The following CLIP2 variants were observed in gnomAD, a reference collection of about 807,000 sequenced individuals.
CLIP2 encodes CAP-Gly domain-containing linker protein 2.
CLIP2 carries 41 observed loss-of-function variants against 111.7 expected under a neutral mutation model. That is an observed-to-expected ratio of 0.37 (90% CI 0.29 to 0.48). CLIP2 has a LOEUF of 0.48. Ranked by LOEUF, CLIP2 falls within the 20% of genes least tolerant of loss-of-function variation. The pLI is 0.99. For missense variants in CLIP2, 1,160 were observed against 1,422.1 expected (o/e 0.82, Z 2.96); for synonymous variants, 660 against 644.2 (o/e 1.02, Z -0.37).
intron 8 of CLIP2, among the ~76,000 whole-genome samples, chr7:74,368,245 C>T (rs1275152171): frequency 2.6e-5 from 4 of 151,664 alleles, no homozygotes; most frequent in East Asian, 3.9e-4. Flanking sequence ...AGGCCGGGCG[C>T]GGTGGCTCAC....
At chr7:74,300,415 A>G (rs1157585609) in intron 1 of CLIP2, among the ~76,000 whole-genome samples, 1 of 151,346 alleles carries the variant, frequency 6.6e-6, no homozygotes, top group Admixed American at 6.6e-5. Flanking sequence ...TTCTAGGGAT[A>G]ATGGCTCCCA....
intron 2 of CLIP2, among the ~76,000 whole-genome samples, chr7:74,322,425 G>A (rs1788984920): frequency 6.6e-6 from 1 of 151,908 alleles, no homozygotes; most frequent in African/African-American, 2.4e-5. Context: ...GGGCAACATG[G>A]CGAAACCCCA....
chr7:74,359,508 C>T (rs1050475336), intron 6 of CLIP2, among the ~76,000 whole-genome samples: 3 of 151,864 alleles, frequency 2.0e-5, no homozygotes, highest in Admixed American at 6.6e-5. Context: ...AGCCCACCAC[C>T]ACGCCCAGCT....
intron 4 of CLIP2, among the ~76,000 whole-genome samples, chr7:74,355,279 A>T (rs992068054): frequency 6.6e-6 from 1 of 152,160 alleles, no homozygotes. Context: ...TGGAGGTGGG[A>T]AAAGGCAGAA....
At chr7:74,318,303 G>C (rs924844954) in intron 2 of CLIP2, among the ~76,000 whole-genome samples, 2 of 152,272 alleles carry the variant, frequency 1.3e-5, no homozygotes, top group Admixed American at 1.3e-4. Flanking sequence ...TGACTTGGAG[G>C]TGTGCGGGGA....
intron 13 of CLIP2, among the ~76,000 whole-genome samples, chr7:74,392,455 C>T (rs541959213): frequency 5.5e-4 from 83 of 151,992 alleles, no homozygotes; most frequent in Non-Finnish European, 8.8e-4. Flanking sequence ...ATTACTTGGG[C>T]CCAGGAAGTG....
chr7:74,356,513 C>T lies in CLIP2; in HGVS notation c.907C>T (p.Arg303Cys), dbSNP rs782117341. 2.5e-6 allele frequency: 4 copies of T among 1,614,208 alleles called. No homozygotes were observed. Among genetic ancestry groups the T allele is most frequent in the East Asian group, 2.2e-5 (1 of 44,878 alleles). Residue 303 changes from arginine to cysteine, a missense_variant, in exon 5 of 17, where the codon CGT (arginine) becomes TGT (cysteine). Arg to Cys is a radical substitution (Grantham distance 180). Around this residue, in one of 5 missense-constraint regions of CLIP2, gnomAD observed 110 missense variants for 185.2 expected, o/e 0.59. Transcript: ENST00000223398. ...TSPAKAKKTK[R>C]MAMGVSALTH... is the part of the protein sequence containing the mutation. ...CCCAGCCAAGGCCAAGAAGACCAAGCGTATGGCCATGGGTGTGTCAGCACT... is the reference window on the plus strand; with the variant it reads ...CCCAGCCAAGGCCAAGAAGACCAAGTGTATGGCCATGGGTGTGTCAGCACT...
chr7:74,374,296 C>T (rs1790716712), intron 9 of CLIP2, among the ~76,000 whole-genome samples: 1 of 152,228 alleles, frequency 6.6e-6, no homozygotes, highest in South Asian at 2.1e-4. Flanking sequence ...TGCTCAGTGA[C>T]CATGTGCTTG....
chr7:74,294,773 C>G (rs1554725856), intron 1 of CLIP2, among the ~76,000 whole-genome samples: 1 of 152,204 alleles, frequency 6.6e-6, no homozygotes, highest in Admixed American at 6.6e-5. Context: ...CGCCCTGCTT[C>G]CTGACAATGT....
intron 10 of CLIP2, among the ~76,000 whole-genome samples, chr7:74,378,316 TG>T (rs1790853412): frequency 6.6e-6 from 1 of 151,120 alleles, no homozygotes; most frequent in African/African-American, 2.4e-5. Context: ...TTTGTAGAGA[TG>T]GGGTTTCCTC....
chr7:74,386,400 C>T lies in CLIP2; in HGVS notation c.2480-121C>T. 7 of 719,138 alleles carry T rather than the reference C, an allele frequency of 9.7e-6. No homozygotes were observed. The South Asian group carries it at 1.2e-4, about 13-fold the overall frequency. 44.5% of individuals were successfully genotyped at this position (719,138 alleles called of 1,614,324 possible). On this transcript the variant is annotated intron_variant, in intron 11 of 16. Coordinates refer to ENST00000223398, the MANE Select transcript of CLIP2 (RefSeq NM_003388.5). The stretch of plus-strand genomic sequence containing the variant: ...GCGAGACGGCTGGAGTGAGGAAGAA[C>T]TTGGACCCTGGAGGCCAAGTGTGAC...
At position 74,305,857 on chromosome 7, in the gene CLIP2, C is replaced by CG. The variant is rs1377444989; in HGVS notation, c.-67-11623_-67-11622insG. Among the ~76,000 whole-genome samples, 9 of 105,894 alleles carry CG rather than the reference C, an allele frequency of 8.5e-5. 1 individual carries two copies. The highest frequency in any genetic ancestry group is 1.6e-4 in the Non-Finnish European group (9 of 56,694). 69.5% of individuals were successfully genotyped at this position (105,894 alleles called of 152,430 possible). A position where few individuals can be genotyped will look rare whatever the true frequency, so the allele number is the denominator to read the frequency against. On this transcript the variant is annotated intron_variant, in intron 1 of 16. Transcript: ENST00000223398. Reference sequence around the variant, plus strand: ...CTGGCTTCTCTCCCTGCACCCCAACCCCCCCCCACCGCCCCTGCTGCCAGT... The same window carrying CG: ...CTGGCTTCTCTCCCTGCACCCCAACCGCCCCCCCACCGCCCCTGCTGCCAGT...
intron 1 of CLIP2, among the ~76,000 whole-genome samples, chr7:74,308,151 C>T (rs1777152924): frequency 6.6e-6 from 1 of 152,132 alleles, no homozygotes; most frequent in Admixed American, 6.6e-5. Flanking sequence ...GGCTAGGTGT[C>T]AGTAGGTAAT....
In CLIP2 at chr7:74,338,430, C is replaced by T. The variant is rs1554732560; in HGVS notation, c.122-18C>T. 6.2e-7 allele frequency: 1 copy of T among 1,610,104 alleles called. No individual in the cohort carries two copies. The highest frequency in any genetic ancestry group is 1.1e-5 in the South Asian group (1 of 90,620). The stretch of plus-strand genomic sequence containing the variant: ...CCCTAACAGCCACCTCTTTCCCTTT[C>T]CCTCTCCTTCTCTGCAGGCTCCCCA... On this transcript the variant is annotated intron_variant, in intron 2 of 16. Coordinates refer to ENST00000223398, the MANE Select transcript of CLIP2 (RefSeq NM_003388.5). The surrounding 1 kb of genome is among the most constrained non-coding windows in gnomAD (Gnocchi z 4.3).
chr7:74,305,857 C>T (rs1197151458), intron 1 of CLIP2, among the ~76,000 whole-genome samples: 1 of 105,894 alleles, frequency 9.4e-6, no homozygotes, highest in African/African-American at 5.1e-5. Flanking sequence ...GCACCCCAAC[C>T]CCCCCCCACC....
chr7:74,389,339 C>G, intron 13 of CLIP2, 80 bp downstream of exon 13: 2 of 1,403,252 alleles, frequency 1.4e-6, no homozygotes, highest in South Asian at 1.5e-5. Context: ...CTCATGTTAT[C>G]TTGGGGCAGA....
intron 3 of CLIP2, among the ~76,000 whole-genome samples, chr7:74,344,970 T>A (rs190656774): frequency 6.6e-6 from 1 of 152,252 alleles, no homozygotes; most frequent in East Asian, 1.9e-4. Flanking sequence ...CAGCTGGGAT[T>A]GAGAAGGCCA....
chr7:74,353,868 G>C lies in CLIP2; in HGVS notation c.679-12G>C. 6.2e-7 allele frequency: 1 copy of C among 1,614,130 alleles called. No individual in the cohort carries two copies. Among genetic ancestry groups the C allele is most frequent in the Non-Finnish European group, 8.5e-7 (1 of 1,180,006 alleles). On this transcript the variant is annotated splice_polypyrimidine_tract_variant and intron_variant, in intron 3 of 16. Coordinates refer to ENST00000223398, the MANE Select transcript of CLIP2 (RefSeq NM_003388.5). ...GCATCCTCTAGACCTGAGTCTCCCT[G>C]TGTGCCGACAGGTTGGCGGGACGAA...
chr7:74,375,760 T>A, intron 9 of CLIP2, 127 bp from the exon 10 acceptor site: 1 of 737,408 alleles, frequency 1.4e-6, no homozygotes, highest in South Asian at 2.0e-5. Context: ...TCCCTTCCCA[T>A]GACCTCCACC....
Sources: gnomAD v4.1 joint callset for allele counts (sites outside exome capture counted in the v4.1 genomes callset) on GRCh38, gnomAD v4.1.1 for gene constraint, gnomAD v4.1.1 regional missense constraint, Gnocchi (gnomAD v3.1) non-coding constraint, MANE v1.5 for transcripts, NCBI Gene and HGNC (gene_info 2026-07-23, HGNC 2026-07-21) for gene names.